ARVCF: variants seen among roughly 807,000 people sequenced by gnomAD.
The protein encoded by ARVCF is splicing regulator ARVCF.
ARVCF carries 66 observed loss-of-function variants against 90.9 expected under a neutral mutation model. The ratio of observed to expected loss-of-function variants is 0.73; its 90% CI spans 0.60 to 0.89. The LOEUF is 0.89. Ranked by LOEUF, ARVCF falls within the 40% of genes least tolerant of loss-of-function variation. The probability of loss-of-function intolerance (pLI) is 0.00; values close to 1 mark genes in which losing one functional copy is unlikely to be tolerated. For synonymous variants in ARVCF, 653 were observed against 603.4 expected, an observed-to-expected ratio of 1.08 and a Z score of -1.21; for missense variants, 1,469 against 1,382.3, an observed-to-expected ratio of 1.06 and a Z score of -1.00.
chr22:19,981,891 C>A lies in ARVCF; in HGVS notation c.369+42G>T, dbSNP rs1191461721. 3.1e-6 allele frequency: 5 copies of A among 1,603,028 alleles called. No homozygotes were observed. In the Admixed American group the frequency reaches 6.7e-5, roughly 22 times the overall value. ...TCTGCAGGTGGGACAGCTGCAGCAG[C>A]CTGGCCCTGCTCACCCACCCACTGC... On this transcript the variant is annotated intron_variant, in intron 4 of 19. Transcript: ENST00000263207.
chr22:19,983,647 G>A (rs1214019784), intron 3 of ARVCF: 3 of 152,372 alleles, frequency 2.0e-5, no homozygotes, highest in Non-Finnish European at 4.4e-5. Flanking sequence ...GGGAAACTGA[G>A]GCCTGGCAGG....
In ARVCF at chr22:19,979,940, C is replaced by T. The variant is rs764421355; in HGVS notation, c.1199G>A (p.Arg400Gln). The T allele has an allele frequency of 3.6e-5, 57 of 1,595,052 alleles. No homozygotes were observed. The highest frequency in any genetic ancestry group is 1.4e-4 in the Admixed American group (8 of 57,462). ...CAGTGCCACAAGCAGCGGCAGCCCC[C>T]GCAACTGCCGTACACGCCGCTTGAC... ...EGVKRRVRQL[R>Q]GLPLLVALLD... Residue 400 changes from arginine (R) to glutamine (Q), a missense_variant, in exon 6 of 20, where the codon CGG becomes CAG. By Grantham distance (43) the Arg-to-Gln change is conservative. Transcript: ENST00000263207.
intron 2 of ARVCF, among the ~76,000 whole-genome samples, chr22:20,008,622 G>A (rs1555952916): frequency 4.6e-5 from 7 of 152,282 alleles, no homozygotes; most frequent in Non-Finnish European, 1.5e-5. Context: ...ATCAGCCCCT[G>A]TCCCAGCTGA....
Position 19,979,866 on chromosome 22 carries a change from G to A in ARVCF, c.1273C>T (p.Arg425Cys), listed in dbSNP as rs778178678. 8 of 1,608,464 alleles carry A rather than the reference G, an allele frequency of 5.0e-6. No individual in the cohort carries two copies. Among genetic ancestry groups the A allele is most frequent in the African/African-American group, 2.7e-5 (2 of 74,874 alleles). ...EVRRRACGAL[R>C]NLSYGRDTDN... ...GTGTCGCGGCCATAGGAGAGGTTGC[G>A]CAGTGCCCCACAGGCCCGGCGCCGC... Residue 425 changes from arginine (R) to cysteine (C), a missense_variant, in exon 6 of 20, where the codon CGC becomes TGC. Coordinates refer to ENST00000263207, the MANE Select transcript of ARVCF (RefSeq NM_001670.3).
At chr22:19,974,270 A>T in intron 11 of ARVCF, 31 bp from the exon 12 acceptor site, 1 of 1,576,794 alleles carries the variant, frequency 6.3e-7, no homozygotes, top group Non-Finnish European at 8.6e-7. Context: ...ACCCACGGTC[A>T]CCCAGAATCT....
chr22:19,968,978 C>A (rs1289399792), downstream of ARVCF: 2 of 430,900 alleles, frequency 4.6e-6, no homozygotes, highest in East Asian at 4.2e-5. Context: ...ATACTAATAT[C>A]ATGTTTTAAA....
rs565276090 is a variant in ARVCF at position 20,003,871 on chromosome 22, A to C, written c.-19+6584T>G. Among the ~76,000 whole-genome samples the C allele has an allele frequency of 6.6e-5, 10 of 151,048 alleles. No individual in the cohort carries two copies. The East Asian group carries it at 1.9e-3, about 29-fold the overall frequency. ...TAGTACTAGAAGTTTTAGACAGAGT[A>C]ATTAGGCAAGAAAAAGAAATAAAAG... On this transcript the variant is annotated intron_variant, in intron 2 of 19. Transcript: ENST00000263207.
intron 2 of ARVCF, among the ~76,000 whole-genome samples, chr22:20,002,703 G>T (rs571629874): frequency 1.2e-4 from 18 of 152,280 alleles, no homozygotes; most frequent in African/African-American, 4.1e-4. Context: ...TGCACTGCTG[G>T]GATTCAAATT....
At chr22:19,980,340 C>T (rs1943425334) in intron 5 of ARVCF, 98 bp from the exon 6 acceptor site, 1 of 1,431,282 alleles carries the variant, frequency 7.0e-7, no homozygotes, top group Admixed American at 2.8e-5. Flanking sequence ...GCAAACTCAC[C>T]CAGCAGCGCT....
At chr22:20,005,718 C>T (rs1046592269) in intron 2 of ARVCF, among the ~76,000 whole-genome samples, 2 of 151,216 alleles carry the variant, frequency 1.3e-5, no homozygotes, top group African/African-American at 4.9e-5. Flanking sequence ...TACTTGTGAA[C>T]TTGGGAGGCG....
intron 13 of ARVCF, 108 bp from the exon 14 acceptor site, chr22:19,973,425 G>T: frequency 7.2e-7 from 1 of 1,390,106 alleles, no homozygotes; most frequent in Non-Finnish European, 9.5e-7. Flanking sequence ...CCTGGAGACC[G>T]CCTGTGTGCA....
chr22:19,975,721 G>A lies in ARVCF; in HGVS notation c.1925C>T (p.Thr642Met), dbSNP rs773431238. The change falls in exon 11 of 20, where the codon ACG becomes ATG. Residue 642 changes from threonine to methionine, a missense_variant. Thr to Met is a moderately conservative substitution (Grantham distance 81). Transcript: ENST00000263207. ...CTCAGTTCGCTTGGGCAGGTCTAGCGTGTCAAAGTTCCGGTCCATCTCACC... is the reference window on the plus strand; with the variant it reads ...CTCAGTTCGCTTGGGCAGGTCTAGCATGTCAAAGTTCCGGTCCATCTCACC... ...KDGEMDRNFD[T>M]LDLPKRTEAA... The A allele has an allele frequency of 6.2e-6, 10 of 1,613,580 alleles. No individual in the cohort carries two copies. The highest frequency in any genetic ancestry group is 2.2e-5 in the East Asian group (1 of 44,898).
At chr22:19,998,322 G>A (rs966693667) in intron 2 of ARVCF, among the ~76,000 whole-genome samples, 1 of 152,242 alleles carries the variant, frequency 6.6e-6, no homozygotes, top group Non-Finnish European at 1.5e-5. Context: ...TCTCCTGAGG[G>A]ACAGAGCCTC....
chr22:19,977,418 T>G lies in ARVCF; in HGVS notation c.1867A>C (p.Lys623Gln). 6.6e-7 allele frequency: 1 copy of G among 1,523,802 alleles called. No homozygotes were observed. Among genetic ancestry groups the G allele is most frequent in the Non-Finnish European group, 8.8e-7 (1 of 1,135,262 alleles). 94.4% of individuals were successfully genotyped at this position (1,523,802 alleles called of 1,614,324 possible). The change falls in exon 9 of 20, where the codon AAA becomes CAA. Residue 623 changes from lysine to glutamine, a missense_variant. Transcript: ENST00000263207. ...DASCFGGKKAKEEWFHQGKKD... is the reference protein window; with the variant it reads ...DASCFGGKKAQEEWFHQGKKD... ...TACCCCAGTCCGCCCCACCCACCTT[T>G]GGCCTTCTTGCCTCCAAAGCAGCTG...
rs143143463 is a variant in ARVCF, at chr22:20,002,635, AAAG to A, written c.-19+7817_-19+7819del. Reference sequence around the variant, plus strand: ...CCCAGAGAAGTAGTTTTAAGAACCAAAAGAAGAGAAGAATTCAGGAGTAAATGA... The same window carrying A: ...CCCAGAGAAGTAGTTTTAAGAACCAAAAGAGAAGAATTCAGGAGTAAATGA... On this transcript the variant is annotated intron_variant, in intron 2 of 19. Coordinates refer to ENST00000263207, the MANE Select transcript of ARVCF (RefSeq NM_001670.3). 5.3e-3 allele frequency among the ~76,000 whole-genome samples: 800 copies of A among 152,300 alleles called. 8 individuals are homozygous for A. The highest frequency in any genetic ancestry group is 0.019 in the African/African-American group (781 of 41,552).
intron 18 of ARVCF, among the ~76,000 whole-genome samples, 196 bp from the exon 19 acceptor site, chr22:19,971,531 G>C (rs1347024006): frequency 6.6e-6 from 1 of 152,206 alleles, no homozygotes; most frequent in Non-Finnish European, 1.5e-5. Flanking sequence ...CACACACACA[G>C]GCCTGCACAG....
intron 2 of ARVCF, among the ~76,000 whole-genome samples, chr22:20,004,682 T>C (rs567561320): frequency 1.3e-5 from 2 of 152,270 alleles, no homozygotes; most frequent in Admixed American, 6.5e-5. Flanking sequence ...AGTGTGGTAT[T>C]AGCATAAGGA....
chr22:19,969,899 C>G lies in ARVCF; in HGVS notation c.*857G>C, dbSNP rs1332740029. 1 of 985,378 alleles carries G rather than the reference C, an allele frequency of 1.0e-6. No individual in the cohort carries two copies. The highest frequency in any genetic ancestry group is 1.7e-5 in the African/African-American group (1 of 57,256). 61.0% of individuals were successfully genotyped at this position (985,378 alleles called of 1,614,324 possible). On this transcript the variant is annotated 3_prime_UTR_variant, in exon 20 of 20. Coordinates refer to ENST00000263207, the MANE Select transcript of ARVCF (RefSeq NM_001670.3). The stretch of plus-strand genomic sequence containing the variant: ...CTGAGTGGCAGAAAGCAAAAAGTTC[C>G]TTTGCTGCTTTAATTTTTAAATTTT...
intron 3 of ARVCF, chr22:19,987,230 G>A (rs1055458090): frequency 2.7e-6 from 1 of 363,892 alleles, no homozygotes; most frequent in Non-Finnish European, 4.9e-6. Context: ...CGGCGGTCAC[G>A]GCGAGCAGCC....
Sources: gnomAD v4.1 joint callset for allele counts (sites outside exome capture counted in the v4.1 genomes callset) on GRCh38, gnomAD v4.1.1 for gene constraint, MANE v1.5 for transcripts, NCBI Gene and HGNC (gene_info 2026-07-23, HGNC 2026-07-21) for gene names.